The following ARL15 variants were observed in gnomAD, a reference collection of about 807,000 sequenced individuals.
The protein encoded by ARL15 is ADP-ribosylation factor-like protein 15.
Under a neutral mutation model 25.2 loss-of-function variants are expected in ARL15, and 19 were observed. The observed-to-expected ratio is 0.75, with a 90% CI of 0.53 to 1.10. ARL15 has a LOEUF of 1.10. Ranked by LOEUF, ARL15 falls within the 50% of genes least tolerant of loss-of-function variation. ARL15 has a pLI of 0.00. For synonymous variants in ARL15, 94 were observed against 86.8 expected (o/e 1.08, Z -0.46); for missense variants, 220 against 246.0 (o/e 0.89, Z 0.71).
At chr5:53,962,808 A>C (rs1410299975) in intron 4 of ARL15, among the ~76,000 whole-genome samples, 1 of 152,188 alleles carries the variant, frequency 6.6e-6, no homozygotes, top group African/African-American at 2.4e-5. Context: ...GGATATTAGA[A>C]GAAAGGAAAC....
chr5:54,191,868 C>A (rs1201745955), intron 1 of ARL15, among the ~76,000 whole-genome samples: 1 of 152,098 alleles, frequency 6.6e-6, no homozygotes, highest in Non-Finnish European at 1.5e-5. Flanking sequence ...AGTCTCTTTT[C>A]CACTCAAAAT....
At chr5:54,245,960 C>G (rs930765476) in intron 1 of ARL15, among the ~76,000 whole-genome samples, 3 of 152,136 alleles carry the variant, frequency 2.0e-5, no homozygotes, top group Non-Finnish European at 4.4e-5. Context: ...ATCCAATTCA[C>G]AGGGTAATTA....
At chr5:53,912,132 CTTTTAAG>C (rs1745484613) in intron 4 of ARL15, 1 of 152,072 alleles carries the variant, frequency 6.6e-6, no homozygotes, top group African/African-American at 2.4e-5. Context: ...ACCACACACT[CTTTTAAG>C]ATTAAAAATA....
intron 1 of ARL15, among the ~76,000 whole-genome samples, chr5:54,198,049 T>C (rs4455514): frequency 1.3e-5 from 2 of 151,844 alleles, no homozygotes; most frequent in African/African-American, 4.8e-5. Context: ...AAAAACCACA[T>C]GATTATCTCA....
intron 4 of ARL15, among the ~76,000 whole-genome samples, chr5:53,939,859 AC>A (rs1746478938): frequency 6.6e-6 from 1 of 152,228 alleles, no homozygotes; most frequent in African/African-American, 2.4e-5. Context: ...AAAATTAAAC[AC>A]TGATTCAAAC....
rs187822489 is a variant in ARL15 at position 54,167,951 on chromosome 5, T to G, written c.193+3833A>C. Among the ~76,000 whole-genome samples, 442 of 152,308 alleles carry G rather than the reference T, an allele frequency of 2.9e-3. 4 individuals are homozygous for G. The highest frequency in any genetic ancestry group is 9.9e-3 in the African/African-American group (411 of 41,560). On this transcript the variant is annotated intron_variant, in intron 2 of 4. Transcript: ENST00000504924. ...CACATCCAATGGCCTTTCTCAGACT[T>G]TAGACTTACGTTTACCTTATTTGAC...
intron 4 of ARL15, among the ~76,000 whole-genome samples, chr5:53,957,521 A>T (rs1425392821): frequency 6.6e-6 from 1 of 152,090 alleles, no homozygotes; most frequent in African/African-American, 2.4e-5. Flanking sequence ...TATAACAAAG[A>T]CATAAAGAAT....
chr5:54,218,101 A>C (rs1756265080), intron 1 of ARL15, among the ~76,000 whole-genome samples: 1 of 152,164 alleles, frequency 6.6e-6, no homozygotes, highest in South Asian at 2.1e-4. Context: ...GAGTGTTTCC[A>C]AGAGCAACCT....
intron 4 of ARL15, among the ~76,000 whole-genome samples, chr5:53,962,413 T>C (rs1005347220): frequency 2.0e-5 from 3 of 152,124 alleles, no homozygotes; most frequent in African/African-American, 7.2e-5. Flanking sequence ...AAACAATTCA[T>C]AGTCATTGCT....
At chr5:54,080,416 TG>T (rs1290519307) in intron 4 of ARL15, among the ~76,000 whole-genome samples, 2 of 152,230 alleles carry the variant, frequency 1.3e-5, no homozygotes, top group Non-Finnish European at 2.9e-5. Flanking sequence ...AAGATGCCTT[TG>T]GGGATGGACA....
At chr5:54,014,688 ATT>A (rs112841956) in intron 4 of ARL15, among the ~76,000 whole-genome samples, 1 of 150,866 alleles carries the variant, frequency 6.6e-6, no homozygotes, top group Non-Finnish European at 1.5e-5. Flanking sequence ...ACCTGGCTAG[ATT>A]TTTTTTTGTA....
intron 4 of ARL15, among the ~76,000 whole-genome samples, chr5:53,896,879 T>C (rs1488776812): frequency 6.6e-6 from 1 of 152,194 alleles, no homozygotes; most frequent in Non-Finnish European, 1.5e-5. Flanking sequence ...TTGTGACAAC[T>C]CTTAGAAAAC....
chr5:53,888,461 T>C (rs1744608551), intron 4 of ARL15, among the ~76,000 whole-genome samples: 1 of 152,000 alleles, frequency 6.6e-6, no homozygotes, highest in African/African-American at 2.4e-5. Context: ...TTAAAAAATC[T>C]TCTGTAGAGG....
At chr5:53,913,143 T>G (rs377058572) in intron 4 of ARL15, among the ~76,000 whole-genome samples, 13 of 152,012 alleles carry the variant, frequency 8.6e-5, no homozygotes, top group African/African-American at 2.7e-4. Flanking sequence ...TACAAAAAAT[T>G]TTTTTAAAAA....
chr5:54,221,201 C>T (rs935592060), intron 1 of ARL15, among the ~76,000 whole-genome samples: 3 of 152,156 alleles, frequency 2.0e-5, no homozygotes, highest in South Asian at 2.1e-4. Context: ...ACTCAAAATA[C>T]GTACCTCAAG....
rs184424302 is a variant in ARL15, at chr5:53,995,501, A to G, written c.463-108788T>C. Among the ~76,000 whole-genome samples, 647 of 152,274 alleles carry G rather than the reference A, an allele frequency of 4.2e-3. 9 individuals carry two copies. The highest frequency in any genetic ancestry group is 0.015 in the African/African-American group (621 of 41,562). ...AATATTTGATGCCTCACTACTCATA[A>G]TTCTCAGTATTTTGGCAGACACTTA... On this transcript the variant is annotated intron_variant, in intron 4 of 4. Coordinates refer to ENST00000504924, the MANE Select transcript of ARL15 (RefSeq NM_019087.3).
intron 4 of ARL15, among the ~76,000 whole-genome samples, chr5:54,047,796 T>A (rs1402904055): frequency 1.3e-5 from 2 of 152,244 alleles, no homozygotes; most frequent in African/African-American, 4.8e-5. Context: ...TATGTTATCC[T>A]GAGTTAATTC....
At chr5:53,910,553 A>G (rs1357676363) in intron 4 of ARL15, among the ~76,000 whole-genome samples, 1 of 150,460 alleles carries the variant, frequency 6.6e-6, no homozygotes, top group Non-Finnish European at 1.5e-5. Context: ...CAGCACACCA[A>G]AATGGCACAT....
In ARL15 at chr5:54,130,629, TGTATTA is replaced by T. The variant is rs550455558; in HGVS notation, c.254-17225_254-17220del. 1.1e-4 allele frequency among the ~76,000 whole-genome samples: 16 copies of T among 152,330 alleles called. No individual in the cohort carries two copies. In the South Asian group the frequency reaches 3.1e-3, roughly 30 times the overall value. On this transcript the variant is annotated intron_variant, in intron 3 of 4. Transcript: ENST00000504924. ...GAGAAAACTTCATGTCAAAATTAGTTGTATTAGTACTGAGATGTAATTATTCTTCAA... is the reference window on the plus strand; with the variant it reads ...GAGAAAACTTCATGTCAAAATTAGTTGTACTGAGATGTAATTATTCTTCAA...
Sources: gnomAD v4.1 joint callset for allele counts (sites outside exome capture counted in the v4.1 genomes callset) on GRCh38, gnomAD v4.1.1 for gene constraint, MANE v1.5 for transcripts, NCBI Gene and HGNC (gene_info 2026-07-23, HGNC 2026-07-21) for gene names.